The following SUPT4H1 variants were observed in gnomAD, a reference collection of about 807,000 sequenced individuals.
SUPT4H1 encodes SPT4 homolog, DSIF elongation factor subunit.
SUPT4H1 carries 12 observed loss-of-function variants against 19.4 expected under a neutral mutation model. The observed-to-expected ratio is 0.62, with a 90% CI of 0.40 to 1.00. SUPT4H1 has a LOEUF of 1.00. SUPT4H1 is among the 50% of genes least tolerant of loss of function. The probability of loss-of-function intolerance (pLI) is 0.00; values close to 1 mark genes in which losing one functional copy is unlikely to be tolerated. For synonymous variants in SUPT4H1, 58 were observed against 56.3 expected (o/e 1.03, Z -0.14); for missense variants, 115 against 149.2 (o/e 0.77, Z 1.19).
intron 2 of SUPT4H1, among the ~76,000 whole-genome samples, chr17:58,349,834 A>G (rs1448253838): frequency 7.2e-5 from 11 of 152,216 alleles, no homozygotes; most frequent in Non-Finnish European, 1.3e-4. Flanking sequence ...AGGTGGCCAA[A>G]TTCATAGAGA....
rs1972519114 is a variant in SUPT4H1, at chr17:58,351,494, A to T, written c.84T>A (p.Phe28Leu). 1.2e-6 allele frequency: 2 copies of T among 1,612,736 alleles called. No homozygotes were observed. Among genetic ancestry groups the T allele is most frequent in the Admixed American group, 1.7e-5 (1 of 59,992 alleles). The change falls in exon 2 of 5, where the codon TTT becomes TTA. Residue 28 changes from phenylalanine to leucine, a missense_variant. By Grantham distance (22) the Phe-to-Leu change is conservative. Transcript: ENST00000225504. ...CACAATTGTCACAACCATCATATTC[A>T]AACTGGTCTATAGTCTGGGAGTGAA... ...LCSLVKTIDQ[F>L]EYDGCDNCDA...
intron 1 of SUPT4H1, 30 bp downstream of exon 1, chr17:58,352,037 G>C: frequency 6.2e-7 from 1 of 1,613,184 alleles, no homozygotes; most frequent in Non-Finnish European, 8.5e-7. Context: ...GGTCCCCCAT[G>C]GGCCCTACAA....
Position 58,345,213 on chromosome 17 carries a change from TAA to T in SUPT4H1, c.*1031_*1032del, listed in dbSNP as rs1972240096. On this transcript the variant is annotated 3_prime_UTR_variant, in exon 5 of 5. Transcript: ENST00000225504. Reference sequence around the variant, plus strand: ...GTATTTCACCTTTATAATACTTATATAATTTTCACATAGCTTCGTTTCTACAA... The same window carrying T: ...GTATTTCACCTTTATAATACTTATATTTTTCACATAGCTTCGTTTCTACAA... 1 of 151,740 alleles carries T rather than the reference TAA, an allele frequency of 6.6e-6. No homozygotes were observed. Among genetic ancestry groups the T allele is most frequent in the African/African-American group, 2.4e-5 (1 of 41,422 alleles). 9.4% of individuals were successfully genotyped at this position (151,740 alleles called of 1,614,324 possible). A position where few individuals can be genotyped will look rare whatever the true frequency, so the allele number is the denominator to read the frequency against.
intron 3 of SUPT4H1, 42 bp from the exon 4 acceptor site, chr17:58,347,283 G>T: frequency 6.2e-7 from 1 of 1,605,114 alleles, no homozygotes; most frequent in Non-Finnish European, 8.5e-7. Context: ...AGTGAAGTTA[G>T]TTAAGACTCA....
In SUPT4H1 at chr17:58,345,182, G is replaced by GCCC; in HGVS notation, c.*1063_*1064insGGG. 6.6e-6 allele frequency: 1 copy of GCCC among 152,278 alleles called. No homozygotes were observed. The highest frequency in any genetic ancestry group is 2.1e-4 in the South Asian group (1 of 4,822). The allele number at this position is 152,278 out of a possible 1,614,324, so 9.4% of individuals were successfully genotyped here. ...ATTGAAAAATGGCCCAAAAAGGAGA[G>GCCC]CAAAAGTATTTCACCTTTATAATAC... On this transcript the variant is annotated 3_prime_UTR_variant, in exon 5 of 5. Coordinates refer to ENST00000225504, the MANE Select transcript of SUPT4H1 (RefSeq NM_003168.3).
At chr17:58,349,266 A>C (rs765558572) in intron 2 of SUPT4H1, among the ~76,000 whole-genome samples, 27 of 152,270 alleles carry the variant, frequency 1.8e-4, no homozygotes, top group Non-Finnish European at 3.2e-4. Flanking sequence ...ATTTTGCAAA[A>C]GTGACATGCA....
intron 2 of SUPT4H1, 51 bp downstream of exon 2, chr17:58,351,351 G>A (rs374457896): frequency 1.2e-4 from 154 of 1,293,624 alleles, no homozygotes; most frequent in Non-Finnish European, 1.7e-4. Flanking sequence ...TACTTCTCTG[G>A]GTGCAGGTTG....
At position 58,345,331 on chromosome 17, in the gene SUPT4H1, G is replaced by A. The variant is rs905218830; in HGVS notation, c.*915C>T. ...CTTAGGGAAATCAAAATGGGGATAC[G>A]AACAGGATTTCTGTGGAAATTTAAA... is the stretch of plus-strand genomic sequence containing the variant. On this transcript the variant is annotated 3_prime_UTR_variant, in exon 5 of 5. Coordinates refer to ENST00000225504, the MANE Select transcript of SUPT4H1 (RefSeq NM_003168.3). 11 of 152,084 alleles carry A rather than the reference G, an allele frequency of 7.2e-5. No homozygotes were observed. The highest frequency in any genetic ancestry group is 2.1e-4 in the South Asian group (1 of 4,818). 9.4% of individuals were successfully genotyped at this position (152,084 alleles called of 1,614,324 possible).
chr17:58,352,057 C>T lies in SUPT4H1; in HGVS notation c.69+10G>A. On this transcript the variant is annotated intron_variant, in intron 1 of 4. Coordinates refer to ENST00000225504, the MANE Select transcript of SUPT4H1 (RefSeq NM_003168.3). Reference sequence around the variant, plus strand: ...CCCATGGGCCCTACAACCAGGTCCCCGACTGACACCTTGACCAGCGAACAC... The same window carrying T: ...CCCATGGGCCCTACAACCAGGTCCCTGACTGACACCTTGACCAGCGAACAC... The T allele has an allele frequency of 6.2e-7, 1 of 1,614,122 alleles. No individual in the cohort carries two copies. Among genetic ancestry groups the T allele is most frequent in the Non-Finnish European group, 8.5e-7 (1 of 1,179,994 alleles).
intron 2 of SUPT4H1, among the ~76,000 whole-genome samples, chr17:58,350,018 C>T (rs1475734896): frequency 6.6e-6 from 1 of 152,254 alleles, no homozygotes; most frequent in East Asian, 1.9e-4. Flanking sequence ...CACAGTGGCT[C>T]ATGCCTGTAA....
chr17:58,346,394 G>T, intron 4 of SUPT4H1, 81 bp from the exon 5 acceptor site: 2 of 1,162,864 alleles, frequency 1.7e-6, no homozygotes, highest in Non-Finnish European at 2.6e-6. Flanking sequence ...CTTGAGGGGG[G>T]TACTATAAGC....
rs1413609825 is a variant in SUPT4H1 at position 58,346,124 on chromosome 17, C to T, written c.*122G>A. ...ATAAAATGATGTGCTGCTCTCTCAA[C>T]AGTCAGCTGAGTCTGAATTGGAGGG... On this transcript the variant is annotated 3_prime_UTR_variant, in exon 5 of 5. Coordinates refer to ENST00000225504, the MANE Select transcript of SUPT4H1 (RefSeq NM_003168.3). The T allele has an allele frequency of 3.9e-6, 3 of 768,696 alleles. No homozygotes were observed. The highest frequency in any genetic ancestry group is 2.1e-5 in the Admixed American group (1 of 48,222). 47.6% of individuals were successfully genotyped at this position (768,696 alleles called of 1,614,324 possible).
At chr17:58,347,683 C>T (rs1230527935) in intron 2 of SUPT4H1, 99 bp from the exon 3 acceptor site, 1 of 1,234,652 alleles carries the variant, frequency 8.1e-7, no homozygotes, top group Non-Finnish European at 1.2e-6. Context: ...ACCGAGTCTC[C>T]ACTGGAAAGC....
chr17:58,347,865 C>T (rs553709521), intron 2 of SUPT4H1, among the ~76,000 whole-genome samples: 5 of 152,288 alleles, frequency 3.3e-5, no homozygotes, highest in Non-Finnish European at 5.9e-5. Context: ...GAAAATGAGA[C>T]GGCTTTAGGA....
chr17:58,350,573 T>C (rs778069544), intron 2 of SUPT4H1, among the ~76,000 whole-genome samples: 3 of 150,246 alleles, frequency 2.0e-5, no homozygotes, highest in South Asian at 4.2e-4. Context: ...TGGTGACTCA[T>C]ACTTGTAATC....
In SUPT4H1 at chr17:58,347,682, C is replaced by A. The variant is rs1972343688; in HGVS notation, c.177-98G>T. On this transcript the variant is annotated intron_variant, in intron 2 of 4. Coordinates refer to ENST00000225504, the MANE Select transcript of SUPT4H1 (RefSeq NM_003168.3). ...TAGGAAAAAGCCAAGTACCGAGTCTCCACTGGAAAGCTGGCAAAACTGCCT... is the reference window on the plus strand; with the variant it reads ...TAGGAAAAAGCCAAGTACCGAGTCTACACTGGAAAGCTGGCAAAACTGCCT... The A allele has an allele frequency of 4.8e-6, 6 of 1,252,652 alleles. No homozygotes were observed. The East Asian group carries it at 1.4e-4, about 30-fold the overall frequency. 77.6% of individuals were successfully genotyped at this position (1,252,652 alleles called of 1,614,324 possible). A position where few individuals can be genotyped will look rare whatever the true frequency, so the allele number is the denominator to read the frequency against.
intron 2 of SUPT4H1, 135 bp downstream of exon 2, chr17:58,351,267 A>C: frequency 1.6e-6 from 1 of 608,266 alleles, no homozygotes; most frequent in Admixed American, 3.2e-5. Context: ...AAAAAAAAAA[A>C]AAAAAAACCC....
chr17:58,349,958 T>A (rs1972432908), intron 2 of SUPT4H1, among the ~76,000 whole-genome samples: 2 of 152,134 alleles, frequency 1.3e-5, no homozygotes, highest in African/African-American at 4.8e-5. Flanking sequence ...TGCACAACAG[T>A]GAGTATGCAC....
intron 1 of SUPT4H1, 75 bp downstream of exon 1, chr17:58,351,992 C>T: frequency 6.6e-7 from 1 of 1,507,390 alleles, no homozygotes; most frequent in East Asian, 2.3e-5. Context: ...TCTTTACTGT[C>T]CCACAGCCCC....
Sources: allele counts gnomAD v4.1 joint callset (sites outside exome capture counted in the v4.1 genomes callset), GRCh38; gene constraint gnomAD v4.1.1; transcripts MANE v1.5; gene names NCBI Gene and HGNC (gene_info 2026-07-23, HGNC 2026-07-21).